The following PPP1R9A variants were observed in gnomAD, a reference collection of about 807,000 sequenced individuals.
The protein encoded by PPP1R9A is neurabin-1.
In PPP1R9A, 59 loss-of-function variants were observed where a neutral mutation model predicts 141.9. The observed-to-expected ratio is 0.42, with a 90% CI of 0.34 to 0.52. The LOEUF (loss-of-function observed/expected upper bound fraction) is 0.52. Ranked by LOEUF, PPP1R9A falls within the 20% of genes least tolerant of loss-of-function variation. PPP1R9A has a pLI of 0.10. For synonymous variants in PPP1R9A, 500 were observed against 569.7 expected, an observed-to-expected ratio of 0.88 and a Z score of 1.74; for missense variants, 1,444 against 1,611.9, an observed-to-expected ratio of 0.90 and a Z score of 1.78.
chr7:95,114,281 G>A (rs1287565752), intron 3 of PPP1R9A, among the ~76,000 whole-genome samples: 1 of 152,080 alleles, frequency 6.6e-6, no homozygotes, highest in African/African-American at 2.4e-5. Context: ...AAACCATTTA[G>A]TGTAATATAA....
chr7:95,130,399 G>A (rs962320893), intron 4 of PPP1R9A, among the ~76,000 whole-genome samples: 1 of 152,202 alleles, frequency 6.6e-6, no homozygotes, highest in African/African-American at 2.4e-5. Flanking sequence ...GATTTCAGAG[G>A]ACGTATGGAA....
chr7:95,153,574 T>C (rs1829091195), intron 4 of PPP1R9A, among the ~76,000 whole-genome samples: 1 of 152,244 alleles, frequency 6.6e-6, no homozygotes, highest in Non-Finnish European at 1.5e-5. Flanking sequence ...CAGACAAAAT[T>C]TTTAAATCAG....
At chr7:94,914,861 G>A (rs779153390) in intron 2 of PPP1R9A, among the ~76,000 whole-genome samples, 9 of 152,230 alleles carry the variant, frequency 5.9e-5, no homozygotes, top group African/African-American at 9.6e-5. Flanking sequence ...GCTGCTGGTC[G>A]GTGGGACGTG....
chr7:95,100,055 G>A (rs1278828447), intron 2 of PPP1R9A, among the ~76,000 whole-genome samples: 4 of 151,986 alleles, frequency 2.6e-5, no homozygotes, highest in African/African-American at 9.6e-5. Context: ...TTATATATGT[G>A]TGTGTATGCA....
intron 4 of PPP1R9A, among the ~76,000 whole-genome samples, chr7:95,138,951 A>G (rs1418706634): frequency 6.6e-6 from 1 of 152,214 alleles, no homozygotes; most frequent in Non-Finnish European, 1.5e-5. Flanking sequence ...GTTTTTTTTA[A>G]AGTTAAATGT....
intron 2 of PPP1R9A, among the ~76,000 whole-genome samples, chr7:95,084,161 A>G (rs1327628060): frequency 6.6e-6 from 1 of 152,074 alleles, no homozygotes; most frequent in Non-Finnish European, 1.5e-5. Flanking sequence ...ACCACTTACC[A>G]GTGAGCTAAC....
At position 95,268,614 on chromosome 7, in the gene PPP1R9A, G is replaced by C. The variant is rs780656009; in HGVS notation, c.2730G>C (p.Gln910His). Residue 910 changes from glutamine (Q) to histidine (H), a missense_variant, in exon 13 of 20, where the codon CAG (glutamine) becomes CAC (histidine). Transcript: ENST00000433360. The part of the protein sequence containing the change: ...LDSKALKTRA[Q>H]LSVKNRRQRP... ...CAAAAGCACTGAAAACTCGAGCCCA[G>C]CTCTCTGTGAAGAACAGACGCCAGA... 3 of 1,613,490 alleles carry C rather than the reference G, an allele frequency of 1.9e-6. No individual in the cohort carries two copies. Among genetic ancestry groups the C allele is most frequent in the Non-Finnish European group, 2.5e-6 (3 of 1,179,580 alleles).
chr7:95,227,931 C>G (rs1795371509), intron 8 of PPP1R9A, among the ~76,000 whole-genome samples: 1 of 152,134 alleles, frequency 6.6e-6, no homozygotes, highest in African/African-American at 2.4e-5. Context: ...AATATTGCCC[C>G]TGTGTATCAC....
intron 4 of PPP1R9A, among the ~76,000 whole-genome samples, chr7:95,138,089 C>T (rs1826003157): frequency 1.3e-5 from 2 of 151,984 alleles, no homozygotes; most frequent in South Asian, 4.2e-4. Flanking sequence ...CCCGCCATCA[C>T]ACCCGGCTAA....
intron 2 of PPP1R9A, among the ~76,000 whole-genome samples, chr7:95,051,827 T>C (rs937395307): frequency 1.4e-5 from 2 of 145,692 alleles, no homozygotes; most frequent in Non-Finnish European, 3.0e-5. Context: ...TGCATTAAAA[T>C]TTTTTTTTTA....
chr7:95,228,422 CA>C (rs1213574173), intron 8 of PPP1R9A, among the ~76,000 whole-genome samples: 1 of 152,100 alleles, frequency 6.6e-6, no homozygotes, highest in Non-Finnish European at 1.5e-5. Flanking sequence ...AAATAGCCAA[CA>C]AAAGTTGGCT....
chr7:94,922,700 G>T (rs528986098), intron 2 of PPP1R9A, among the ~76,000 whole-genome samples: 15 of 151,994 alleles, frequency 9.9e-5, no homozygotes, highest in Non-Finnish European at 2.2e-4. Flanking sequence ...TTTGCAGCTA[G>T]GACAAAGATT....
chr7:95,072,680 ATAT>A (rs1421815383), intron 2 of PPP1R9A, among the ~76,000 whole-genome samples: 2 of 119,050 alleles, frequency 1.7e-5, no homozygotes, highest in African/African-American at 6.5e-5. Flanking sequence ...ATTATATTAC[ATAT>A]TATATATTAT....
At chr7:95,273,860 A>G in intron 14 of PPP1R9A, 39 bp from the exon 15 acceptor site, 1 of 1,430,602 alleles carries the variant, frequency 7.0e-7, no homozygotes, top group Non-Finnish European at 9.5e-7. Flanking sequence ...CTTTAAAAAT[A>G]ATAATAATTG....
intron 2 of PPP1R9A, among the ~76,000 whole-genome samples, chr7:95,097,159 G>A (rs949036372): frequency 6.6e-6 from 1 of 152,040 alleles, no homozygotes; most frequent in Non-Finnish European, 1.5e-5. Context: ...GAGTAGCTGG[G>A]ATTACAGGCA....
At position 95,270,423 on chromosome 7, in the gene PPP1R9A, T is replaced by C. The variant is rs1801993512; in HGVS notation, c.3124+916T>C. Among the ~76,000 whole-genome samples, 3 of 152,264 alleles carry C rather than the reference T, an allele frequency of 2.0e-5. No homozygotes were observed. In the South Asian group the frequency reaches 6.2e-4, roughly 32 times the overall value. Reference sequence around the variant, plus strand: ...TGGTTACCCTAACAGGAGTTGGCGATTTTCTGAATTGTGTCAATACCACAT... The same window carrying C: ...TGGTTACCCTAACAGGAGTTGGCGACTTTCTGAATTGTGTCAATACCACAT... On this transcript the variant is annotated intron_variant, in intron 14 of 19. Transcript: ENST00000433360.
intron 4 of PPP1R9A, among the ~76,000 whole-genome samples, chr7:95,145,255 A>G (rs184682172): frequency 6.6e-6 from 1 of 152,284 alleles, no homozygotes; most frequent in African/African-American, 2.4e-5. Flanking sequence ...CAAGTAGAAG[A>G]GCTAAGATAA....
In PPP1R9A at chr7:95,291,513, A is replaced by G. The variant is rs1022218418; in HGVS notation, c.*1210A>G. On this transcript the variant is annotated 3_prime_UTR_variant, in exon 20 of 20. Transcript: ENST00000433360. ...CATAGGTATACTTTAGTAGTGGAGG[A>G]ACTTATACTAATTTTAAGCCAGCAT... The G allele has an allele frequency of 6.6e-6, 1 of 152,218 alleles. No homozygotes were observed. The highest frequency in any genetic ancestry group is 2.4e-5 in the African/African-American group (1 of 41,464). 9.4% of individuals were successfully genotyped at this position (152,218 alleles called of 1,614,324 possible).
chr7:94,940,117 G>T (rs1192028628), intron 2 of PPP1R9A, among the ~76,000 whole-genome samples: 1 of 151,978 alleles, frequency 6.6e-6, no homozygotes, highest in Non-Finnish European at 1.5e-5. Context: ...AATCATGATG[G>T]CTATTATTAA....
Sources: allele counts gnomAD v4.1 joint callset (sites outside exome capture counted in the v4.1 genomes callset), GRCh38; gene constraint gnomAD v4.1.1; transcripts MANE v1.5; gene names NCBI Gene and HGNC (gene_info 2026-07-23, HGNC 2026-07-21).